The following MTPAP variants were observed in gnomAD, a reference collection of about 807,000 sequenced individuals.
MTPAP encodes mitochondrial poly(A) polymerase.
MTPAP carries 23 observed loss-of-function variants against 48.7 expected under a neutral mutation model. The ratio of observed to expected loss-of-function variants is 0.47; its 90% CI spans 0.34 to 0.67. The LOEUF is 0.67. MTPAP is among the 30% of genes least tolerant of loss of function. The pLI, the probability that MTPAP is intolerant of heterozygous loss-of-function variation, is 0.01. For synonymous variants in MTPAP, 257 were observed against 254.1 expected (o/e 1.01, Z -0.11); for missense variants, 614 against 694.3 (o/e 0.88, Z 1.30).
intron 4 of MTPAP, among the ~76,000 whole-genome samples, chr10:30,332,047 GA>G (rs1834674358): frequency 6.6e-6 from 1 of 152,198 alleles, no homozygotes; most frequent in South Asian, 2.1e-4. Flanking sequence ...AGTGTGAAAA[GA>G]TATCAAAGAA....
At chr10:30,328,180 CAGAAA>C (rs1834621778) in intron 4 of MTPAP, among the ~76,000 whole-genome samples, 1 of 152,120 alleles carries the variant, frequency 6.6e-6, no homozygotes, top group Admixed American at 6.5e-5. Flanking sequence ...AAAAAATTCA[CAGAAA>C]AAATAAAAAT....
chr10:30,325,278 A>C (rs970777961), intron 5 of MTPAP, among the ~76,000 whole-genome samples: 1 of 152,154 alleles, frequency 6.6e-6, no homozygotes, highest in Non-Finnish European at 1.5e-5. Flanking sequence ...TACTTGAGAG[A>C]AAGTCGCAAG....
chr10:30,340,747 C>T (rs1222971682), intron 2 of MTPAP, among the ~76,000 whole-genome samples: 1 of 151,976 alleles, frequency 6.6e-6, no homozygotes, highest in Non-Finnish European at 1.5e-5. Flanking sequence ...GGTGAAACCT[C>T]GCCTCTACTA....
At chr10:30,339,579 A>C (rs1224303490) in intron 3 of MTPAP, among the ~76,000 whole-genome samples, 1 of 152,202 alleles carries the variant, frequency 6.6e-6, no homozygotes, top group Non-Finnish European at 1.5e-5. Flanking sequence ...CTGGAAAGAG[A>C]AAGAAAACCT....
At chr10:30,320,749 G>T (rs1238578827) in intron 6 of MTPAP, among the ~76,000 whole-genome samples, 1 of 151,998 alleles carries the variant, frequency 6.6e-6, no homozygotes, top group African/African-American at 2.4e-5. Flanking sequence ...CATGGGCAGG[G>T]GTACCAGTAC....
intron 1 of MTPAP, among the ~76,000 whole-genome samples, chr10:30,345,258 A>G (rs1834860867): frequency 6.6e-6 from 1 of 152,130 alleles, no homozygotes; most frequent in African/African-American, 2.4e-5. Flanking sequence ...ATACACATTT[A>G]CTTTATTTCT....
rs61386643 is a variant in MTPAP, at chr10:30,312,569, C to CAAAAAAAA, written c.*1032_*1039dup. 5.7e-4 allele frequency: 49 copies of CAAAAAAAA among 85,570 alleles called. No homozygotes were observed. The highest frequency in any genetic ancestry group is 7.4e-4 in the Non-Finnish European group (30 of 40,812). The allele number at this position is 85,570 out of a possible 1,614,324, so 5.3% of individuals were successfully genotyped here. A position where few individuals can be genotyped will look rare whatever the true frequency, so the allele number is the denominator to read the frequency against. On this transcript the variant is annotated 3_prime_UTR_variant, in exon 9 of 9. Transcript: ENST00000263063. Reference sequence around the variant, plus strand: ...TGGGCGACAGAGCGAGACTCTGTCTCAAAAAAAAAAAAAAAAAAAAAAGAA... The same window carrying CAAAAAAAA: ...TGGGCGACAGAGCGAGACTCTGTCTCAAAAAAAAAAAAAAAAAAAAAAAAAAAAAAGAA...
intron 5 of MTPAP, 109 bp from the exon 6 acceptor site, chr10:30,322,726 G>C (rs1052593012): frequency 3.9e-6 from 3 of 775,270 alleles, no homozygotes; most frequent in Non-Finnish European, 6.5e-6. Flanking sequence ...ATATCTGAAT[G>C]TATTCAGAAC....
chr10:30,315,155 T>C (rs1840646165), intron 8 of MTPAP, among the ~76,000 whole-genome samples: 1 of 152,214 alleles, frequency 6.6e-6, no homozygotes, highest in South Asian at 2.1e-4. Context: ...TTTTTCCTTC[T>C]AGATAGCATT....
At chr10:30,338,493 G>C (rs1834757867) in intron 3 of MTPAP, among the ~76,000 whole-genome samples, 1 of 151,976 alleles carries the variant, frequency 6.6e-6, no homozygotes, top group South Asian at 2.1e-4. Context: ...GGCCAACGTG[G>C]TGAAACCCCA....
At position 30,326,513 on chromosome 10, in the gene MTPAP, A is replaced by G. The variant is rs1269334288; in HGVS notation, c.903T>C (p.Gly301=). 3 of 1,614,164 alleles carry G rather than the reference A, an allele frequency of 1.9e-6. No homozygotes were observed. Among genetic ancestry groups the G allele is most frequent in the East Asian group, 4.5e-5 (2 of 44,882 alleles). Residue 301 remains glycine (G), a synonymous_variant, in exon 5 of 9, where the codon GGT becomes GGC. Transcript: ENST00000263063. ...CLDHFGPGCV[G]VQKILNARCP... ...ACCGGGCATTTAATATTTTTTGCAC[A>G]CCCACACAGCCAGGGCCAAAGTGGT... is the stretch of plus-strand genomic sequence containing the variant.
chr10:30,331,104 G>A (rs1433457655), intron 4 of MTPAP, among the ~76,000 whole-genome samples: 2 of 151,970 alleles, frequency 1.3e-5, no homozygotes, highest in Admixed American at 6.6e-5. Flanking sequence ...CTGCCTTTAG[G>A]GAAAATTTAG....
chr10:30,318,911 G>C (rs1012418852), intron 6 of MTPAP, among the ~76,000 whole-genome samples: 6 of 152,126 alleles, frequency 3.9e-5, no homozygotes, highest in African/African-American at 1.4e-4. Context: ...TTACAATACA[G>C]GTGTGTACCA....
intron 1 of MTPAP, among the ~76,000 whole-genome samples, chr10:30,348,669 T>C (rs888002453): frequency 1.3e-5 from 2 of 152,268 alleles, no homozygotes; most frequent in Middle Eastern, 3.4e-3. Flanking sequence ...CAGAACCCTA[T>C]GTCTAGGAAC....
rs1332047752 is a variant in MTPAP at position 30,313,546 on chromosome 10, T to A, written c.*63A>T. 6.2e-7 allele frequency: 1 copy of A among 1,603,546 alleles called. No homozygotes were observed. The highest frequency in any genetic ancestry group is 1.3e-5 in the African/African-American group (1 of 74,702). On this transcript the variant is annotated 3_prime_UTR_variant, in exon 9 of 9. Transcript: ENST00000263063. ...TCTGTGAAAGTTTCAAATCAGTTTT[T>A]CCAAGTAAGTCCACAGACCATTTGA...
intron 1 of MTPAP, among the ~76,000 whole-genome samples, chr10:30,345,919 G>T (rs1304753311): frequency 6.6e-6 from 1 of 151,844 alleles, no homozygotes; most frequent in Non-Finnish European, 1.5e-5. Flanking sequence ...GTGGTAACGC[G>T]TGCCTGTAAT....
In MTPAP at chr10:30,317,737, C is replaced by A. The variant is rs1840678256; in HGVS notation, c.1220-1527G>T. Among the ~76,000 whole-genome samples, 5 of 152,190 alleles carry A rather than the reference C, an allele frequency of 3.3e-5. No individual in the cohort carries two copies. In the South Asian group the frequency reaches 1.0e-3, roughly 32 times the overall value. ...ATGCTGTCCACTCCTCTGCCCCAGT[C>A]AGGAATTACAAAGGCCACTGTCCTA... On this transcript the variant is annotated intron_variant, in intron 6 of 8. Transcript: ENST00000263063.
Position 30,320,126 on chromosome 10 carries a change from G to C in MTPAP, c.1219+2265C>G, listed in dbSNP as rs191461070. ...TTTTTAAAAAATTAGCTGAGTGAGTGGTGGCACAAGCCTGTATATCCCAGC... is the reference window on the plus strand; with the variant it reads ...TTTTTAAAAAATTAGCTGAGTGAGTCGTGGCACAAGCCTGTATATCCCAGC... On this transcript the variant is annotated intron_variant, in intron 6 of 8. Transcript: ENST00000263063. 9.2e-5 allele frequency among the ~76,000 whole-genome samples: 14 copies of C among 152,312 alleles called. No individual in the cohort carries two copies. The East Asian group carries it at 1.7e-3, about 19-fold the overall frequency.
At chr10:30,331,132 T>G (rs974828907) in intron 4 of MTPAP, among the ~76,000 whole-genome samples, 14 of 152,190 alleles carry the variant, frequency 9.2e-5, no homozygotes, top group Admixed American at 5.2e-4. Flanking sequence ...TTATACTTAT[T>G]ATGAGCAAAG....
Sources: allele counts gnomAD v4.1 joint callset (sites outside exome capture counted in the v4.1 genomes callset), GRCh38; gene constraint gnomAD v4.1.1; transcripts MANE v1.5; gene names NCBI Gene and HGNC (gene_info 2026-07-23, HGNC 2026-07-21).